Variants in CAMTA1 observed in about 807,000 individuals in gnomAD.
CAMTA1 encodes the protein calmodulin-binding transcription activator 1.
CAMTA1 carries 27 observed loss-of-function variants against 170.9 expected under a neutral mutation model. The ratio of observed to expected loss-of-function variants is 0.16; its 90% CI spans 0.12 to 0.22. The LOEUF is 0.22. CAMTA1 is among the 10% of genes least tolerant of loss of function. The pLI, the probability that CAMTA1 is intolerant of heterozygous loss-of-function variation, is 1.00. For synonymous variants in CAMTA1, 833 were observed against 891.5 expected, an observed-to-expected ratio of 0.93 and a Z score of 1.17; for missense variants, 1,619 against 2,217.2, an observed-to-expected ratio of 0.73 and a Z score of 5.42.
intron 6 of CAMTA1, among the ~76,000 whole-genome samples, chr1:7,598,085 C>A (rs577954382): frequency 6.6e-6 from 1 of 150,594 alleles, no homozygotes; most frequent in African/African-American, 2.4e-5. Flanking sequence ...TCCCTCCCCC[C>A]TCCCCCAACC....
At chr1:7,273,657 A>T (rs1670171606) in intron 5 of CAMTA1, among the ~76,000 whole-genome samples, 1 of 152,222 alleles carries the variant, frequency 6.6e-6, no homozygotes, top group Non-Finnish European at 1.5e-5. Flanking sequence ...AAATTAGCTT[A>T]TGGTGACAGT....
At chr1:7,185,291 A>G (rs1351141700) in intron 4 of CAMTA1, among the ~76,000 whole-genome samples, 1 of 152,132 alleles carries the variant, frequency 6.6e-6, no homozygotes, top group Non-Finnish European at 1.5e-5. Flanking sequence ...TTCTTAAATA[A>G]CTTCTCCACT....
chr1:6,803,137 G>A (rs1644084192), intron 1 of CAMTA1, among the ~76,000 whole-genome samples: 1 of 152,208 alleles, frequency 6.6e-6, no homozygotes, highest in South Asian at 2.1e-4. Context: ...GTTCTCAGGT[G>A]GAATCAGGCA....
intron 4 of CAMTA1, among the ~76,000 whole-genome samples, chr1:7,246,464 G>A (rs919085452): frequency 6.6e-6 from 1 of 152,096 alleles, no homozygotes; most frequent in Admixed American, 6.6e-5. Flanking sequence ...GCCCCATGAA[G>A]CTTCTGTTAT....
At chr1:7,569,360 C>A (rs1389763472) in intron 6 of CAMTA1, among the ~76,000 whole-genome samples, 3 of 151,102 alleles carry the variant, frequency 2.0e-5, no homozygotes, top group Non-Finnish European at 3.0e-5. Flanking sequence ...CTACCACCAT[C>A]ACCACCACCA....
intron 7 of CAMTA1, 44 bp from the exon 8 acceptor site, chr1:7,661,682 T>C (rs781241512): frequency 2.5e-6 from 4 of 1,611,678 alleles, no homozygotes; most frequent in Non-Finnish European, 3.4e-6. Context: ...AGGTCCCCTC[T>C]GCACCCACGG....
At chr1:7,408,407 C>T (rs2090455652) in intron 5 of CAMTA1, among the ~76,000 whole-genome samples, 1 of 152,224 alleles carries the variant, frequency 6.6e-6, no homozygotes, top group Admixed American at 6.5e-5. Flanking sequence ...TAGGAGCAGC[C>T]CCTCCCCTCC....
At chr1:7,457,134 C>A (rs1287111994) in intron 5 of CAMTA1, among the ~76,000 whole-genome samples, 2 of 147,916 alleles carry the variant, frequency 1.4e-5, no homozygotes, top group African/African-American at 4.9e-5. Flanking sequence ...AGATTCATGA[C>A]TTGGATCAAC....
chr1:7,054,329 C>T (rs1034178857), intron 3 of CAMTA1, among the ~76,000 whole-genome samples: 6 of 152,228 alleles, frequency 3.9e-5, no homozygotes, highest in Admixed American at 6.5e-5. Context: ...GTTTCTATGA[C>T]GAGAAGCAGC....
chr1:7,347,263 C>T (rs933424875), intron 5 of CAMTA1, among the ~76,000 whole-genome samples: 3 of 152,114 alleles, frequency 2.0e-5, no homozygotes, highest in Non-Finnish European at 2.9e-5. Context: ...ACTGTTCCAT[C>T]GGGAAGGGGC....
chr1:7,587,046 C>T (rs2095316007), intron 6 of CAMTA1, among the ~76,000 whole-genome samples: 1 of 151,982 alleles, frequency 6.6e-6, no homozygotes, highest in Admixed American at 6.5e-5. Flanking sequence ...CACCAGCTCC[C>T]CCAGAAGGGG....
At position 7,682,085 on chromosome 1, in the gene CAMTA1, G is replaced by A. The variant is rs536749346; in HGVS notation, c.2914+4352G>A. On this transcript the variant is annotated intron_variant, in intron 11 of 22. Coordinates refer to ENST00000303635, the MANE Select transcript of CAMTA1 (RefSeq NM_015215.4). The surrounding 1 kb of genome is among the most constrained non-coding windows in gnomAD (Gnocchi z 5.0). ...CTCAGGCAACTGAGCCTCCTTGCCT[G>A]GGTGAGAGGATTGGAGTGAGACCTG... Among the ~76,000 whole-genome samples, 1 of 151,768 alleles carries A rather than the reference G, an allele frequency of 6.6e-6. No homozygotes were observed. Among genetic ancestry groups the A allele is most frequent in the Non-Finnish European group, 1.5e-5 (1 of 68,000 alleles).
At chr1:7,428,059 A>G (rs1254877299) in intron 5 of CAMTA1, among the ~76,000 whole-genome samples, 1 of 152,090 alleles carries the variant, frequency 6.6e-6, no homozygotes, top group Non-Finnish European at 1.5e-5. Context: ...CGTGGGAAAC[A>G]CTGTGTCTCT....
intron 3 of CAMTA1, among the ~76,000 whole-genome samples, chr1:6,835,381 CTT>C (rs1652552431): frequency 2.0e-5 from 3 of 152,204 alleles, no homozygotes; most frequent in Admixed American, 2.0e-4. Context: ...GGGTGGGAGA[CTT>C]TGGGTGATGG....
rs1685024757 is a variant in CAMTA1 at position 6,934,755 on chromosome 1, C to T, written c.234+109545C>T. 6.6e-6 allele frequency among the ~76,000 whole-genome samples: 1 copy of T among 152,038 alleles called. No homozygotes were observed. Among genetic ancestry groups the T allele is most frequent in the Non-Finnish European group, 1.5e-5 (1 of 68,026 alleles). Reference sequence around the variant, plus strand: ...CCTGCTCTTCAGTGAAGGTATCTTGCAGAGGGCGTATGGTTGGAGAGGAAG... The same window carrying T: ...CCTGCTCTTCAGTGAAGGTATCTTGTAGAGGGCGTATGGTTGGAGAGGAAG... On this transcript the variant is annotated intron_variant, in intron 3 of 22. Transcript: ENST00000303635. This position sits in a 1 kb window ranked among gnomAD's most constrained non-coding sequence, Gnocchi z 4.5.
At chr1:6,907,635 C>T (rs1238979073) in intron 3 of CAMTA1, among the ~76,000 whole-genome samples, 1 of 152,190 alleles carries the variant, frequency 6.6e-6, no homozygotes, top group East Asian at 1.9e-4. Flanking sequence ...AGTCTCTTCC[C>T]AGTAAGACTG....
intron 3 of CAMTA1, among the ~76,000 whole-genome samples, chr1:6,915,009 C>T (rs532972515): frequency 1.3e-5 from 2 of 152,180 alleles, no homozygotes; most frequent in African/African-American, 4.8e-5. Context: ...GCGGGAGGCT[C>T]GGCCCTGCTC....
intron 5 of CAMTA1, among the ~76,000 whole-genome samples, chr1:7,381,400 C>T (rs1313338951): frequency 4.7e-5 from 7 of 150,484 alleles, no homozygotes; most frequent in Admixed American, 6.7e-5. Context: ...TGAGAATATG[C>T]GGTGTTCGGT....
chr1:7,599,130 G>C (rs1373420483), intron 6 of CAMTA1, among the ~76,000 whole-genome samples: 3 of 152,130 alleles, frequency 2.0e-5, no homozygotes, highest in Admixed American at 1.3e-4. Context: ...GGTGTAAGGA[G>C]GGGATCCAGT....
Sources: gnomAD v4.1 joint callset for allele counts (sites outside exome capture counted in the v4.1 genomes callset) on GRCh38, gnomAD v4.1.1 for gene constraint, Gnocchi (gnomAD v3.1) non-coding constraint, MANE v1.5 for transcripts, NCBI Gene and HGNC (gene_info 2026-07-23, HGNC 2026-07-21) for gene names.